Variants in C5AR2 observed in about 807,000 individuals in gnomAD.
The protein encoded by C5AR2 is complement C5a receptor 2.
For synonymous variants in C5AR2, 224 were observed against 216.5 expected (o/e 1.03, Z -0.30); for missense variants, 458 against 467.5 (o/e 0.98, Z 0.19).
At chr19:47,339,196 T>C (rs1313609491) in intron 1 of C5AR2, among the ~76,000 whole-genome samples, 1 of 152,178 alleles carries the variant, frequency 6.6e-6, no homozygotes, top group African/African-American at 2.4e-5. Context: ...GTCGCTTCCT[T>C]GCTCAGCACC....
At position 47,345,655 on chromosome 19, in the gene C5AR2, G is replaced by A. The variant is rs1969109749; in HGVS notation, c.*3842G>A. ...CCCAAAGTGCTGGGATTACAGACATGAGCCACCACGCCCGGCCTGATATTT... is the reference window on the plus strand; with the variant it reads ...CCCAAAGTGCTGGGATTACAGACATAAGCCACCACGCCCGGCCTGATATTT... On this transcript the variant is annotated 3_prime_UTR_variant, in exon 2 of 2. Transcript: ENST00000595464. The A allele has an allele frequency of 6.6e-6, 1 of 151,960 alleles. No homozygotes were observed. Among genetic ancestry groups the A allele is most frequent in the Admixed American group, 6.6e-5 (1 of 15,230 alleles). The allele number at this position is 151,960 out of a possible 1,614,324, so 9.4% of individuals were successfully genotyped here. A position where few individuals can be genotyped will look rare whatever the true frequency, so the allele number is the denominator to read the frequency against.
intron 1 of C5AR2, among the ~76,000 whole-genome samples, chr19:47,339,701 AT>A (rs1319106008): frequency 1.1e-4 from 16 of 152,092 alleles, no homozygotes; most frequent in African/African-American, 3.6e-4. Context: ...GTTCTTGGAC[AT>A]GACCGTCATG....
chr19:47,336,819 C>T (rs2122164180), intron 1 of C5AR2, among the ~76,000 whole-genome samples: 1 of 152,100 alleles, frequency 6.6e-6, no homozygotes, highest in South Asian at 2.1e-4. Flanking sequence ...TGGCTAAATT[C>T]TGCACACCTT....
chr19:47,341,663 C>T lies in C5AR2; in HGVS notation c.864C>T (p.Pro288=). 6.2e-7 allele frequency: 1 copy of T among 1,614,138 alleles called. No individual in the cohort carries two copies. Among genetic ancestry groups the T allele is most frequent in the Non-Finnish European group, 8.5e-7 (1 of 1,180,038 alleles). ...CCCTCGCTCACAGCTGCCTCAATCC[C>T]ATGCTCTTCCTGTATTTTGGGAGGG... is the stretch of plus-strand genomic sequence containing the variant. ...GLALAHSCLN[P]MLFLYFGRAQ... Residue 288 remains proline (P), a synonymous_variant, in exon 2 of 2, where the codon CCC becomes CCT. Coordinates refer to ENST00000595464, the MANE Select transcript of C5AR2 (RefSeq NM_001271749.2). This position sits in a 1 kb window ranked among gnomAD's most constrained non-coding sequence, Gnocchi z 4.6.
rs183396739 is a variant in C5AR2, at chr19:47,335,640, C to T, written c.-16+3291C>T. On this transcript the variant is annotated intron_variant, in intron 1 of 1. Transcript: ENST00000595464. ...ACAAAAAATTAGCCGGAAGTGGTAG[C>T]GGGCGCCTGTAGTCCCAGCTACTCG... Among the ~76,000 whole-genome samples, 856 of 151,000 alleles carry T rather than the reference C, an allele frequency of 5.7e-3. 42 individuals are homozygous for T. Among genetic ancestry groups the T allele is most frequent in the Admixed American group, 0.047 (715 of 15,098 alleles).
chr19:47,335,897 G>A (rs2059355926), intron 1 of C5AR2, among the ~76,000 whole-genome samples: 1 of 147,234 alleles, frequency 6.8e-6, no homozygotes, highest in Non-Finnish European at 1.5e-5. Context: ...GATAACAGCA[G>A]CTAGCCTACG....
rs563158559 is a variant in C5AR2, at chr19:47,336,085, G to GTTGT, written c.-16+3751_-16+3754dup. 3.6e-3 allele frequency among the ~76,000 whole-genome samples: 548 copies of GTTGT among 151,944 alleles called. 4 individuals are homozygous for GTTGT. Among genetic ancestry groups the GTTGT allele is most frequent in the African/African-American group, 0.013 (523 of 41,472 alleles). On this transcript the variant is annotated intron_variant, in intron 1 of 1. Coordinates refer to ENST00000595464, the MANE Select transcript of C5AR2 (RefSeq NM_001271749.2). ...TAGGAATTTGAGGGTTTTTGTTGTT[G>GTTGT]TTGTTTGTTTGTTTGTTTTTTATGA... is the stretch of plus-strand genomic sequence containing the variant.
intron 1 of C5AR2, among the ~76,000 whole-genome samples, chr19:47,340,468 T>C (rs541951693): frequency 2.0e-5 from 3 of 151,872 alleles, no homozygotes; most frequent in African/African-American, 7.2e-5. Context: ...GCCTCCCAAG[T>C]AGCTGGGATT....
At position 47,341,317 on chromosome 19, in the gene C5AR2, G is replaced by T. The variant is rs754683420; in HGVS notation, c.518G>T (p.Arg173Leu). ...LLLTVPSAIY[R>L]RLHQEHFPAR... ...CTCACCGTGCCCTCCGCCATCTACC[G>T]CCGGCTGCACCAGGAGCACTTCCCA... The change falls in exon 2 of 2, where the codon CGC becomes CTC. Residue 173 changes from arginine to leucine, a missense_variant. Physicochemically the swap from Arg to Leu is moderately radical, Grantham distance 102. Transcript: ENST00000595464. This position sits in a 1 kb window ranked among gnomAD's most constrained non-coding sequence, Gnocchi z 4.6. 15 of 1,610,290 alleles carry T rather than the reference G, an allele frequency of 9.3e-6. No homozygotes were observed. The highest frequency in any genetic ancestry group is 5.0e-5 in the Admixed American group (3 of 59,988).
intron 1 of C5AR2, among the ~76,000 whole-genome samples, chr19:47,338,513 A>ATTT (rs1445232868): frequency 6.7e-6 from 1 of 149,104 alleles, no homozygotes; most frequent in Non-Finnish European, 1.5e-5. Context: ...AATAATAATA[A>ATTT]TTTTATTATT....
intron 1 of C5AR2, among the ~76,000 whole-genome samples, chr19:47,334,976 C>T (rs1193791903): frequency 2.0e-5 from 3 of 151,958 alleles, no homozygotes; most frequent in Non-Finnish European, 4.4e-5. Flanking sequence ...CCTCCACCTC[C>T]CAGCTTCAAG....
At position 47,343,414 on chromosome 19, in the gene C5AR2, G is replaced by A. The variant is rs745506058; in HGVS notation, c.*1601G>A. 6.6e-6 allele frequency: 1 copy of A among 152,140 alleles called. No homozygotes were observed. The highest frequency in any genetic ancestry group is 6.6e-5 in the Admixed American group (1 of 15,256). 9.4% of individuals were successfully genotyped at this position (152,140 alleles called of 1,614,324 possible). A position where few individuals can be genotyped will look rare whatever the true frequency, so the allele number is the denominator to read the frequency against. On this transcript the variant is annotated 3_prime_UTR_variant, in exon 2 of 2. Coordinates refer to ENST00000595464, the MANE Select transcript of C5AR2 (RefSeq NM_001271749.2). ...TACACACCCTTCGGGCTATATTCACGCTTCTGCATCTTTCCTGAAGCTGTG... is the reference window on the plus strand; with the variant it reads ...TACACACCCTTCGGGCTATATTCACACTTCTGCATCTTTCCTGAAGCTGTG...
rs544029078 is a variant in C5AR2 at position 47,346,288 on chromosome 19, C to T, written c.*4475C>T. ...TTACTGCCCCTTCCCATGGCAATGA[C>T]CCCATGACCCAGAAGTTACTGCCCC... On this transcript the variant is annotated 3_prime_UTR_variant, in exon 2 of 2. Coordinates refer to ENST00000595464, the MANE Select transcript of C5AR2 (RefSeq NM_001271749.2). 26 of 149,988 alleles carry T rather than the reference C, an allele frequency of 1.7e-4. 1 individual carries two copies. Among genetic ancestry groups the T allele is most frequent in the East Asian group, 1.2e-3 (6 of 5,178 alleles). 9.3% of individuals were successfully genotyped at this position (149,988 alleles called of 1,614,324 possible). A position where few individuals can be genotyped will look rare whatever the true frequency, so the allele number is the denominator to read the frequency against.
chr19:47,338,280 A>AT (rs1189869475), intron 1 of C5AR2, among the ~76,000 whole-genome samples: 18 of 9,100 alleles, frequency 2.0e-3, no homozygotes, highest in African/African-American at 7.5e-3. Flanking sequence ...GTCTCTAAAA[A>AT]AAATATATAT....
In C5AR2 at chr19:47,341,677, A is replaced by G. The variant is rs1364931207; in HGVS notation, c.878A>G (p.Tyr293Cys). ...HSCLNPMLFL[Y>C]FGRAQLRRSL... is the part of the protein sequence containing the mutation. Reference sequence around the variant, plus strand: ...TGCCTCAATCCCATGCTCTTCCTGTATTTTGGGAGGGCTCAACTCCGCCGG... The same window carrying G: ...TGCCTCAATCCCATGCTCTTCCTGTGTTTTGGGAGGGCTCAACTCCGCCGG... The change falls in exon 2 of 2, where the codon TAT (tyrosine) becomes TGT (cysteine). Residue 293 changes from tyrosine (Y) to cysteine (C), a missense_variant. Tyr to Cys is a radical substitution (Grantham distance 194, BLOSUM62 -2). Coordinates refer to ENST00000595464, the MANE Select transcript of C5AR2 (RefSeq NM_001271749.2). This position sits in a 1 kb window ranked among gnomAD's most constrained non-coding sequence, Gnocchi z 4.6. 1.2e-6 allele frequency: 2 copies of G among 1,613,914 alleles called. No homozygotes were observed. Among genetic ancestry groups the G allele is most frequent in the East Asian group, 2.2e-5 (1 of 44,868 alleles).
At position 47,341,509 on chromosome 19, in the gene C5AR2, C is replaced by T. The variant is rs765165885; in HGVS notation, c.710C>T (p.Ala237Val). The change falls in exon 2 of 2, where the codon GCC becomes GTC. Residue 237 changes from alanine to valine, a missense_variant. Physicochemically the swap from Ala to Val is moderately conservative, Grantham distance 64 (BLOSUM62 0). Transcript: ENST00000595464. This position sits in a 1 kb window ranked among gnomAD's most constrained non-coding sequence, Gnocchi z 4.6. ...AARRCRPLGT[A>V]IVVGFFVCWA... Reference sequence around the variant, plus strand: ...CGACGCTGCCGGCCGCTGGGCACAGCCATTGTGGTGGGGTTTTTTGTCTGC... The same window carrying T: ...CGACGCTGCCGGCCGCTGGGCACAGTCATTGTGGTGGGGTTTTTTGTCTGC... 2.5e-5 allele frequency: 40 copies of T among 1,611,952 alleles called. No individual in the cohort carries two copies. Among genetic ancestry groups the T allele is most frequent in the Non-Finnish European group, 2.5e-5 (30 of 1,179,656 alleles).
chr19:47,342,021 G>T lies in C5AR2; in HGVS notation c.*208G>T, dbSNP rs1969047771. The T allele has an allele frequency of 1.7e-6, 1 of 580,472 alleles. No homozygotes were observed. Among genetic ancestry groups the T allele is most frequent in the African/African-American group, 1.9e-5 (1 of 53,082 alleles). 36.0% of individuals were successfully genotyped at this position (580,472 alleles called of 1,614,324 possible). A position where few individuals can be genotyped will look rare whatever the true frequency, so the allele number is the denominator to read the frequency against. On this transcript the variant is annotated 3_prime_UTR_variant, in exon 2 of 2. Transcript: ENST00000595464. ...AACAGACACAAATCCTGCCCTCAGG[G>T]AGCTGATATTCTTCTAGTGGAGGAA...
chr19:47,346,011 C>T lies in C5AR2; in HGVS notation c.*4198C>T, dbSNP rs1465281284. On this transcript the variant is annotated 3_prime_UTR_variant, in exon 2 of 2. Coordinates refer to ENST00000595464, the MANE Select transcript of C5AR2 (RefSeq NM_001271749.2). The stretch of plus-strand genomic sequence containing the variant: ...AAGTGATTCTCCTGCCGCAGCCTCC[C>T]GAGTAGCTGGGACTACAGGCGCATG... The T allele has an allele frequency of 6.6e-6, 1 of 152,246 alleles. No homozygotes were observed. Among genetic ancestry groups the T allele is most frequent in the Non-Finnish European group, 1.5e-5 (1 of 68,042 alleles). The allele number at this position is 152,246 out of a possible 1,614,324, so 9.4% of individuals were successfully genotyped here. A position where few individuals can be genotyped will look rare whatever the true frequency, so the allele number is the denominator to read the frequency against.
In C5AR2 at chr19:47,341,013, T is replaced by C. The variant is rs1260501515; in HGVS notation, c.214T>C (p.Trp72Arg). Residue 72 changes from tryptophan to arginine, a missense_variant, in exon 2 of 2, where the codon TGG (tryptophan) becomes CGG (arginine). Trp to Arg is a moderately radical substitution (Grantham distance 101, BLOSUM62 -3). Transcript: ENST00000595464. This position sits in a 1 kb window ranked among gnomAD's most constrained non-coding sequence, Gnocchi z 4.6. ...KVARRRVGAT[W>R]LLHLAVADLL... Reference sequence around the variant, plus strand: ...GGCCCGCCGGAGGGTGGGTGCCACCTGGTTGCTCCACCTGGCCGTGGCGGA... The same window carrying C: ...GGCCCGCCGGAGGGTGGGTGCCACCCGGTTGCTCCACCTGGCCGTGGCGGA... 6.2e-7 allele frequency: 1 copy of C among 1,609,194 alleles called. No homozygotes were observed. Among genetic ancestry groups the C allele is most frequent in the Non-Finnish European group, 8.5e-7 (1 of 1,179,920 alleles).
Sources: allele counts gnomAD v4.1 joint callset (sites outside exome capture counted in the v4.1 genomes callset), GRCh38; gene constraint gnomAD v4.1.1; non-coding constraint Gnocchi (gnomAD v3.1); transcripts MANE v1.5; gene names NCBI Gene and HGNC (gene_info 2026-07-23, HGNC 2026-07-21).